Variants in HMGCLL1 observed in about 807,000 individuals in gnomAD.
The protein encoded by HMGCLL1 is 3-hydroxymethyl-3-methylglutaryl-CoA lyase, cytoplasmic.
A neutral mutation model predicts 39.1 loss-of-function variants in HMGCLL1; 36 were observed. The ratio of observed to expected loss-of-function variants is 0.92; its 90% CI spans 0.71 to 1.22. The LOEUF (loss-of-function observed/expected upper bound fraction) is 1.22. HMGCLL1 is among the 50% of genes most tolerant of loss of function. The pLI, the probability that HMGCLL1 is intolerant of heterozygous loss-of-function variation, is 0.00. For synonymous variants in HMGCLL1, 149 were observed against 144.0 expected, an observed-to-expected ratio of 1.03 and a Z score of -0.25; for missense variants, 451 against 416.5, an observed-to-expected ratio of 1.08 and a Z score of -0.72.
intron 1 of HMGCLL1, among the ~76,000 whole-genome samples, chr6:55,556,840 C>T (rs1324922189): frequency 1.3e-5 from 2 of 152,138 alleles, no homozygotes; most frequent in Non-Finnish European, 2.9e-5. Context: ...AAATAAGTCT[C>T]CTGACTCCCA....
the HMGCLL1 span, among the ~76,000 whole-genome samples, chr6:55,629,866 C>T: frequency 3.3e-3 from 498 of 152,248 alleles, 5 homozygotes; most frequent in Middle Eastern, 0.01. Flanking sequence ...GGAGCCTCTG[C>T]TTAGTTTTCA....
chr6:55,675,870 A>C, the HMGCLL1 span, among the ~76,000 whole-genome samples: 1 of 152,178 alleles, frequency 6.6e-6, no homozygotes, highest in South Asian at 2.1e-4. Context: ...TGTGTGTGCT[A>C]ATTCTTATTA....
intron 7 of HMGCLL1, among the ~76,000 whole-genome samples, chr6:55,486,500 T>A (rs1766039764): frequency 6.6e-6 from 1 of 152,102 alleles, no homozygotes; most frequent in South Asian, 2.1e-4. Context: ...TGGATTATTA[T>A]CATTAGCAAA....
chr6:55,629,675 G>T, the HMGCLL1 span, among the ~76,000 whole-genome samples: 3 of 152,276 alleles, frequency 2.0e-5, no homozygotes, highest in Admixed American at 6.5e-5. Context: ...CCAGGCCCAG[G>T]GTTCCTGTGC....
chr6:55,542,260 A>T, intron 1 of HMGCLL1, 120 bp from the exon 2 acceptor site: 1 of 557,568 alleles, frequency 1.8e-6, no homozygotes, highest in Middle Eastern at 4.1e-4. Flanking sequence ...AAATACTGAA[A>T]AATCAATACA....
chr6:55,606,438 T>C, the HMGCLL1 span, among the ~76,000 whole-genome samples: 1 of 152,162 alleles, frequency 6.6e-6, no homozygotes, highest in African/African-American at 2.4e-5. Context: ...GTGGCAGAGA[T>C]AAGATTTGAA....
At chr6:55,543,464 ATATATCATATATAATATATATATG>A (rs1769734641) in intron 1 of HMGCLL1, among the ~76,000 whole-genome samples, 1 of 7,704 alleles carries the variant, frequency 1.3e-4, no homozygotes, top group African/African-American at 2.5e-4. Context: ...TATATATCAT[ATATATCATATATAATATATATATG>A]ATATATATCA....
the HMGCLL1 span, among the ~76,000 whole-genome samples, chr6:55,673,842 G>T: frequency 6.6e-6 from 1 of 151,730 alleles, no homozygotes; most frequent in Non-Finnish European, 1.5e-5. Context: ...ATTTTGTTTT[G>T]ACCCTAATGT....
the HMGCLL1 span, among the ~76,000 whole-genome samples, chr6:55,647,745 C>CTTTTTTTTTTTTTTTTTTTTTTTT: frequency 3.6e-4 from 42 of 115,860 alleles, no homozygotes; most frequent in South Asian, 8.3e-4. Flanking sequence ...TTTTTTTTTC[C>CTTTTTTTTTTTTTTTTTTTTTTTT]TTTTTTTTTT....
At chr6:55,554,635 A>G (rs1048948849) in intron 1 of HMGCLL1, among the ~76,000 whole-genome samples, 2 of 152,114 alleles carry the variant, frequency 1.3e-5, no homozygotes, top group Non-Finnish European at 2.9e-5. Context: ...AGGGCAATGA[A>G]ATATGCTGAG....
intron 1 of HMGCLL1, among the ~76,000 whole-genome samples, chr6:55,576,635 G>C (rs1207566265): frequency 6.6e-6 from 1 of 152,186 alleles, no homozygotes. Flanking sequence ...CCATATGAGA[G>C]ATAATGCCAT....
intron 3 of HMGCLL1, 62 bp from the exon 4 acceptor site, chr6:55,516,665 T>C (rs1236424872): frequency 2.0e-5 from 22 of 1,101,962 alleles, no homozygotes; most frequent in Non-Finnish European, 3.0e-5. Flanking sequence ...AGAATCATTT[T>C]AGTTTCAGGT....
the HMGCLL1 span, among the ~76,000 whole-genome samples, chr6:55,612,083 T>C: frequency 6.6e-6 from 1 of 152,148 alleles, no homozygotes; most frequent in Admixed American, 6.5e-5. Context: ...CTTAAGATGA[T>C]AAGCAACTTC....
the HMGCLL1 span, among the ~76,000 whole-genome samples, chr6:55,655,104 T>A: frequency 6.6e-6 from 1 of 152,004 alleles, no homozygotes; most frequent in Non-Finnish European, 1.5e-5. Flanking sequence ...TCAGTTCTTC[T>A]CATTTGTATT....
intron 5 of HMGCLL1, among the ~76,000 whole-genome samples, chr6:55,507,090 G>C (rs1475906837): frequency 1.3e-5 from 2 of 151,608 alleles, no homozygotes; most frequent in Non-Finnish European, 3.0e-5. Flanking sequence ...AGAAAGCATT[G>C]AACCTGTAAG....
At chr6:55,547,663 A>G (rs180816380) in intron 1 of HMGCLL1, among the ~76,000 whole-genome samples, 3 of 152,176 alleles carry the variant, frequency 2.0e-5, no homozygotes, top group Admixed American at 2.0e-4. Context: ...GGGCTGAATC[A>G]GGAAATTGTG....
intron 7 of HMGCLL1, among the ~76,000 whole-genome samples, chr6:55,446,635 T>C (rs1763852709): frequency 1.3e-5 from 2 of 151,952 alleles, no homozygotes; most frequent in East Asian, 3.9e-4. Flanking sequence ...GGAGTATTGA[T>C]TCTGTATGAT....
At chr6:55,438,967 A>G (rs1763481565) in intron 8 of HMGCLL1, among the ~76,000 whole-genome samples, 1 of 151,988 alleles carries the variant, frequency 6.6e-6, no homozygotes, top group African/African-American at 2.4e-5. Flanking sequence ...CTCATATGCT[A>G]AGTGTTATGA....
At chr6:55,629,749 C>A in the HMGCLL1 span, among the ~76,000 whole-genome samples, 4 of 152,088 alleles carry the variant, frequency 2.6e-5, no homozygotes, top group African/African-American at 9.7e-5. Flanking sequence ...TGAAAGGGAC[C>A]AACATAGAGC....
Sources: allele counts gnomAD v4.1 joint callset (sites outside exome capture counted in the v4.1 genomes callset), GRCh38; gene constraint gnomAD v4.1.1; transcripts MANE v1.5; gene names NCBI Gene and HGNC (gene_info 2026-07-23, HGNC 2026-07-21).